COL6A3: variants seen among roughly 807,000 people sequenced by gnomAD.
COL6A3 encodes the protein collagen alpha-3(VI) chain.
A neutral mutation model predicts 274.1 loss-of-function variants in COL6A3; 137 were observed. That is an observed-to-expected ratio of 0.50 (90% CI 0.44 to 0.58). COL6A3 has a LOEUF of 0.58. COL6A3 is among the 20% of genes least tolerant of loss of function. COL6A3 has a pLI of 0.00. For synonymous variants in COL6A3, 1,650 were observed against 1,650.6 expected (o/e 1.00, Z 0.01); for missense variants, 3,950 against 4,124.9 (o/e 0.96, Z 1.16).
At chr2:237,362,219 A>C (rs1253473072) in intron 14 of COL6A3, among the ~76,000 whole-genome samples, 1 of 152,216 alleles carries the variant, frequency 6.6e-6, no homozygotes, top group Non-Finnish European at 1.5e-5. Flanking sequence ...CCAAGACTGA[A>C]GGTGGTTCCA....
Position 237,376,904 on chromosome 2 carries a change from G to C in COL6A3, c.2938C>G (p.Pro980Ala), listed in dbSNP as rs769664063. 1.2e-6 allele frequency: 2 copies of C among 1,614,166 alleles called. No individual in the cohort carries two copies. The highest frequency in any genetic ancestry group is 1.7e-6 in the Non-Finnish European group (2 of 1,180,034). The change falls in exon 7 of 44, where the codon CCT (proline) becomes GCT (alanine). Residue 980 changes from proline (P) to alanine (A), a missense_variant. Coordinates refer to ENST00000295550, the MANE Select transcript of COL6A3 (RefSeq NM_004369.4). ...PFIFQAKNAD[P>A]AELEQIVLSP... ...AGCACGATCTGCTCTAACTCAGCAG[G>C]GTCTGCGTTCTTGGCTTGGAAGATG...
Position 237,374,728 on chromosome 2 carries a change from G to A in COL6A3, c.3363C>T (p.Val1121=). 1 of 1,613,460 alleles carries A rather than the reference G, an allele frequency of 6.2e-7. No homozygotes were observed. The highest frequency in any genetic ancestry group is 1.1e-5 in the South Asian group (1 of 91,050). ...ALEFVLRNIL[V]SSAGSRITEG... The stretch of plus-strand genomic sequence containing the variant: ...CTGTTATCCTGCTTCCCGCAGAGCT[G>A]ACCAGGATGTTCCTCAGGACAAACT... The change falls in exon 8 of 44, where the codon GTC becomes GTT. Residue 1121 remains valine (V), a synonymous_variant. Transcript: ENST00000295550. The surrounding 1 kb of genome is among the most constrained non-coding windows in gnomAD (Gnocchi z 4.8).
intron 43 of COL6A3, 21 bp downstream of exon 43, chr2:237,325,539 A>T: frequency 6.2e-7 from 1 of 1,614,046 alleles, no homozygotes; most frequent in South Asian, 1.1e-5. Flanking sequence ...GAAGCCATAA[A>T]CACAAGGAAG....
Position 237,387,837 on chromosome 2 carries a change from T to G in COL6A3, c.1057A>C (p.Ile353Leu). ...TCGTCACTAGAAGGCCCGGCACTTATGAGGACCAGCACCTGGGGAACCCCT... is the reference window on the plus strand; with the variant it reads ...TCGTCACTAGAAGGCCCGGCACTTAGGAGGACCAGCACCTGGGGAACCCCT... ...EEGVPQVLVL[I>L]SAGPSSDEIR... The change falls in exon 4 of 44, where the codon ATA (isoleucine) becomes CTA (leucine). Residue 353 changes from isoleucine (I) to leucine (L), a missense_variant. Physicochemically the swap from Ile to Leu is conservative, Grantham distance 5. This residue lies in a region of COL6A3 where 1,934 missense variants were observed against 1,984.3 expected (regional missense o/e 0.97). Coordinates refer to ENST00000295550, the MANE Select transcript of COL6A3 (RefSeq NM_004369.4). The G allele has an allele frequency of 6.2e-7, 1 of 1,614,194 alleles. No individual in the cohort carries two copies. The highest frequency in any genetic ancestry group is 1.1e-5 in the South Asian group (1 of 91,082).
chr2:237,396,587 T>A lies in COL6A3; in HGVS notation c.91+140A>T, dbSNP rs1012504824. 3 of 833,396 alleles carry A rather than the reference T, an allele frequency of 3.6e-6. No individual in the cohort carries two copies. In the Admixed American group the frequency reaches 5.7e-5, roughly 16 times the overall value. 51.6% of individuals were successfully genotyped at this position (833,396 alleles called of 1,614,324 possible). A position where few individuals can be genotyped will look rare whatever the true frequency, so the allele number is the denominator to read the frequency against. ...AAAAGGCCTATAAATCCTAGAACTA[T>A]CCTATCTGACTATCCTATAATAAAT... On this transcript the variant is annotated intron_variant, in intron 2 of 43. Coordinates refer to ENST00000295550, the MANE Select transcript of COL6A3 (RefSeq NM_004369.4).
At chr2:237,328,162 A>T (rs1240140807) in intron 42 of COL6A3, 1 of 152,304 alleles carries the variant, frequency 6.6e-6, no homozygotes, top group Non-Finnish European at 1.5e-5. Flanking sequence ...AATGTAACTA[A>T]GTTTGCTTGG....
At chr2:237,351,088 G>T in intron 27 of COL6A3, 42 bp downstream of exon 27, 1 of 1,593,934 alleles carries the variant, frequency 6.3e-7, no homozygotes, top group South Asian at 1.1e-5. Flanking sequence ...GTGCCTGGCT[G>T]GTCCCTGTCC....
chr2:237,361,260 G>T lies in COL6A3; in HGVS notation c.6157-86C>A, dbSNP rs878895854. On this transcript the variant is annotated intron_variant, in intron 15 of 43. Coordinates refer to ENST00000295550, the MANE Select transcript of COL6A3 (RefSeq NM_004369.4). This position sits in a 1 kb window ranked among gnomAD's most constrained non-coding sequence, Gnocchi z 5.1. ...AATCCCTGTGGTCCCCCTTCATTTG[G>T]CAGAGCAGCACTAAAACTCAGCATG... 1.6e-6 allele frequency: 2 copies of T among 1,225,926 alleles called. No individual in the cohort carries two copies. The highest frequency in any genetic ancestry group is 2.4e-6 in the Non-Finnish European group (2 of 831,484). 75.9% of individuals were successfully genotyped at this position (1,225,926 alleles called of 1,614,324 possible).
chr2:237,358,959 G>A (rs892130910), intron 20 of COL6A3, 76 bp downstream of exon 20: 59 of 1,546,440 alleles, frequency 3.8e-5, no homozygotes, highest in Admixed American at 1.0e-4. Flanking sequence ...ATGTATATGA[G>A]GAAAGAAAAT....
chr2:237,366,356 A>C (rs570931310), intron 11 of COL6A3, among the ~76,000 whole-genome samples: 5 of 152,370 alleles, frequency 3.3e-5, no homozygotes, highest in African/African-American at 9.6e-5. Context: ...AAAGCACTTG[A>C]AAATCAAATA....
At position 237,348,379 on chromosome 2, in the gene COL6A3, T is replaced by A; in HGVS notation, c.6936A>T (p.Glu2312Asp). The change falls in exon 30 of 44, where the codon GAA becomes GAT. Residue 2312 changes from glutamate (E) to aspartate (D), a missense_variant. Physicochemically the swap from Glu to Asp is conservative, Grantham distance 45. Transcript: ENST00000295550. ...GTCCTGGGTATCCAGGGAATCCTCT[T>A]TCTCCCTATAAAGGAAAAATAGATT... The part of the protein sequence containing the change: ...GSEGRRGKKG[E>D]RGFPGYPGPK... 6.2e-7 allele frequency: 1 copy of A among 1,602,638 alleles called. No individual in the cohort carries two copies. Among genetic ancestry groups the A allele is most frequent in the Non-Finnish European group, 8.6e-7 (1 of 1,169,544 alleles).
In COL6A3 at chr2:237,354,770, A is replaced by G. The variant is rs779481527; in HGVS notation, c.6627+129T>C. The G allele has an allele frequency of 1.3e-5, 10 of 798,014 alleles. No homozygotes were observed. In the Admixed American group the frequency reaches 2.0e-4, roughly 16 times the overall value. 49.4% of individuals were successfully genotyped at this position (798,014 alleles called of 1,614,324 possible). ...CATGTCTTTAACCTTGGCGAAATCA[A>G]CTTTCTAAATTGATTGGTATCTGTC... is the stretch of plus-strand genomic sequence containing the variant. On this transcript the variant is annotated intron_variant, in intron 24 of 43. Transcript: ENST00000295550.
chr2:237,387,755 C>G lies in COL6A3; in HGVS notation c.1139G>C (p.Gly380Ala). 1 of 1,614,002 alleles carries G rather than the reference C, an allele frequency of 6.2e-7. No homozygotes were observed. Reference sequence around the variant, plus strand: ...CTCTGCCCTGGAGGCGGCCTGGGCTCCAAGGCCGAATGAGAACACGCTAGC... The same window carrying G: ...CTCTGCCCTGGAGGCGGCCTGGGCTGCAAGGCCGAATGAGAACACGCTAGC... ...KQASVFSFGL[G>A]AQAASRAELQ... The change falls in exon 4 of 44, where the codon GGA (glycine) becomes GCA (alanine). Residue 380 changes from glycine (G) to alanine (A), a missense_variant. By Grantham distance (60) the Gly-to-Ala change is moderately conservative (BLOSUM62 0). Coordinates refer to ENST00000295550, the MANE Select transcript of COL6A3 (RefSeq NM_004369.4).
In COL6A3 at chr2:237,332,117, A is replaced by ATATATATATATATTATATATATG. The variant is rs35490728; in HGVS notation, c.9328+1332_9328+1333insCATATATATAATATATATATATA. The stretch of plus-strand genomic sequence containing the variant: ...TATATATATATATATATATATATAT[A>ATATATATATATATTATATATATG]TGAAAAGAAAAACAAAACAGCCCAG... On this transcript the variant is annotated intron_variant, in intron 42 of 43. Transcript: ENST00000295550. Among the ~76,000 whole-genome samples the ATATATATATATATTATATATATG allele has an allele frequency of 7.2e-3, 460 of 64,146 alleles. 106 individuals carry two copies. Among genetic ancestry groups the ATATATATATATATTATATATATG allele is most frequent in the Non-Finnish European group, 0.01 (314 of 31,008 alleles). The allele number at this position is 64,146 out of a possible 152,430, so 42.1% of individuals were successfully genotyped here. A position where few individuals can be genotyped will look rare whatever the true frequency, so the allele number is the denominator to read the frequency against.
chr2:237,403,631 C>T (rs2645780), intron 1 of COL6A3, among the ~76,000 whole-genome samples: 2 of 152,060 alleles, frequency 1.3e-5, no homozygotes, highest in East Asian at 1.9e-4. Flanking sequence ...GATTTTTTTT[C>T]CCTTGCAATG....
At position 237,353,358 on chromosome 2, in the gene COL6A3, C is replaced by T. The variant is rs138588234; in HGVS notation, c.6673G>A (p.Gly2225Arg). 2 of 1,614,180 alleles carry T rather than the reference C, an allele frequency of 1.2e-6. No individual in the cohort carries two copies. Among genetic ancestry groups the T allele is most frequent in the Non-Finnish European group, 1.7e-6 (2 of 1,180,038 alleles). ...PGQPGFEGEQ[G>R]TRGAQGPAGP... is the part of the protein sequence containing the mutation. Reference sequence around the variant, plus strand: ...GCACTCACCTGTGCACCTCTGGTCCCCTGCTCTCCCTCAAAGCCCGGCTGG... The same window carrying T: ...GCACTCACCTGTGCACCTCTGGTCCTCTGCTCTCCCTCAAAGCCCGGCTGG... Residue 2225 changes from glycine (G) to arginine (R), a missense_variant, in exon 25 of 44, where the codon GGG becomes AGG. Physicochemically the swap from Gly to Arg is moderately radical, Grantham distance 125. Coordinates refer to ENST00000295550, the MANE Select transcript of COL6A3 (RefSeq NM_004369.4).
rs1277676887 is a variant in COL6A3, at chr2:237,366,830, A to G, written c.5357T>C (p.Val1786Ala). The change falls in exon 11 of 44, where the codon GTT (valine) becomes GCT (alanine). Residue 1786 changes from valine (V) to alanine (A), a missense_variant. By Grantham distance (64) the Val-to-Ala change is moderately conservative. Coordinates refer to ENST00000295550, the MANE Select transcript of COL6A3 (RefSeq NM_004369.4). The stretch of plus-strand genomic sequence containing the variant: ...GGCGCTGTTGGACGCTATCTTTCCA[A>G]CCTCCTCCGAGTCGATATTCCTCAC... ...VGVRNIDSEEVGKIASNSATA... is the reference protein window; with the variant it reads ...VGVRNIDSEEAGKIASNSATA... 1.2e-6 allele frequency: 2 copies of G among 1,613,968 alleles called. No homozygotes were observed. Among genetic ancestry groups the G allele is most frequent in the South Asian group, 2.2e-5 (2 of 91,052 alleles).
rs2078452228 is a variant in COL6A3, at chr2:237,396,781, A to T, written c.37T>A (p.Phe13Ile). The T allele has an allele frequency of 1.2e-6, 2 of 1,614,190 alleles. No individual in the cohort carries two copies. Among genetic ancestry groups the T allele is most frequent in the Non-Finnish European group, 1.7e-6 (2 of 1,180,022 alleles). Residue 13 changes from phenylalanine (F) to isoleucine (I), a missense_variant, in exon 2 of 44, where the codon TTT (phenylalanine) becomes ATT (isoleucine). Phe to Ile is a conservative substitution (Grantham distance 21). Transcript: ENST00000295550. ...GGAAAGCCTGAGAGAAAGAGGCAAA[A>T]GACGGCCACTAAGGGCAAGTGCCGA... Reference protein sequence around the residue: ...KHRHLPLVAVFCLFLSGFPTT... With the variant: ...KHRHLPLVAVICLFLSGFPTT...
intron 9 of COL6A3, among the ~76,000 whole-genome samples, chr2:237,370,679 T>C (rs1211825461): frequency 6.6e-6 from 1 of 152,248 alleles, no homozygotes; most frequent in Non-Finnish European, 1.5e-5. Flanking sequence ...CAACCTGCCC[T>C]TTGCCTCATA....
Sources: allele counts gnomAD v4.1 joint callset (sites outside exome capture counted in the v4.1 genomes callset), GRCh38; gene constraint gnomAD v4.1.1; regional missense constraint gnomAD v4.1.1; non-coding constraint Gnocchi (gnomAD v3.1); transcripts MANE v1.5; gene names NCBI Gene and HGNC (gene_info 2026-07-23, HGNC 2026-07-21).